TMEM178B: variants seen among roughly 807,000 people sequenced by gnomAD.
The protein encoded by TMEM178B is transmembrane protein 178B.
In TMEM178B, 5 loss-of-function variants were observed where a neutral mutation model predicts 31.0. The ratio of observed to expected loss-of-function variants is 0.16; its 90% CI spans 0.08 to 0.34. TMEM178B has a LOEUF of 0.34. Ranked by LOEUF, TMEM178B falls within the 10% of genes least tolerant of loss-of-function variation. The pLI is 1.00. For missense variants in TMEM178B, 275 were observed against 400.3 expected, an observed-to-expected ratio of 0.69 and a Z score of 2.67; for synonymous variants, 164 against 164.0, an observed-to-expected ratio of 1.00 and a Z score of 0.00.
intron 1 of TMEM178B, among the ~76,000 whole-genome samples, chr7:141,151,586 A>G (rs1193011464): frequency 6.6e-6 from 1 of 152,048 alleles, no homozygotes; most frequent in Non-Finnish European, 1.5e-5. Flanking sequence ...CTGGGCTGGC[A>G]ATTAGCATCG....
intron 1 of TMEM178B, among the ~76,000 whole-genome samples, chr7:141,166,161 G>A (rs184070604): frequency 5.1e-4 from 77 of 152,304 alleles, no homozygotes; most frequent in African/African-American, 1.8e-3. Context: ...CCTATAGTAG[G>A]TGGGACCCAG....
At chr7:141,430,860 C>T (rs1287443503) in intron 2 of TMEM178B, among the ~76,000 whole-genome samples, 1 of 152,168 alleles carries the variant, frequency 6.6e-6, no homozygotes, top group East Asian at 1.9e-4. Flanking sequence ...ATTCCCGTGA[C>T]CTTGATTTTT....
chr7:141,222,307 T>A (rs1233601234), intron 2 of TMEM178B, among the ~76,000 whole-genome samples: 2 of 152,190 alleles, frequency 1.3e-5, no homozygotes, highest in Non-Finnish European at 2.9e-5. Flanking sequence ...CTCTATCTTA[T>A]GTTTTTGATG....
At chr7:141,336,888 C>T (rs1486768602) in intron 2 of TMEM178B, among the ~76,000 whole-genome samples, 2 of 121,646 alleles carry the variant, frequency 1.6e-5, no homozygotes, top group African/African-American at 6.7e-5. Context: ...ACCACCATCA[C>T]CGCTACCACC....
intron 1 of TMEM178B, among the ~76,000 whole-genome samples, chr7:141,099,642 G>A (rs745600097): frequency 2.0e-5 from 3 of 152,146 alleles, no homozygotes; most frequent in Non-Finnish European, 4.4e-5. Context: ...TAGATCTATA[G>A]CAAATCACAG....
chr7:141,430,638 C>T (rs568453510), intron 2 of TMEM178B, among the ~76,000 whole-genome samples: 2 of 152,206 alleles, frequency 1.3e-5, no homozygotes, highest in East Asian at 3.9e-4. Flanking sequence ...AGAATTAAAA[C>T]CCCCACTTCC....
chr7:141,419,350 A>T (rs1366154339), intron 2 of TMEM178B, among the ~76,000 whole-genome samples: 2 of 152,172 alleles, frequency 1.3e-5, no homozygotes, highest in Non-Finnish European at 2.9e-5. Context: ...CCCATCATCC[A>T]AACCAGAATC....
chr7:141,308,315 C>T (rs76689628), intron 2 of TMEM178B, among the ~76,000 whole-genome samples: 1,810 of 152,220 alleles, frequency 0.012, 26 homozygotes, highest in Non-Finnish European at 0.017. Context: ...ACAGGTGGGG[C>T]GGGAAGCTCT....
At chr7:141,190,231 A>G (rs1333068290) in intron 1 of TMEM178B, among the ~76,000 whole-genome samples, 1 of 152,200 alleles carries the variant, frequency 6.6e-6, no homozygotes, top group Non-Finnish European at 1.5e-5. Flanking sequence ...TGTGCTCAGA[A>G]TACTTACATT....
intron 2 of TMEM178B, among the ~76,000 whole-genome samples, chr7:141,306,052 G>C (rs1028692345): frequency 6.6e-6 from 1 of 152,158 alleles, no homozygotes; most frequent in Non-Finnish European, 1.5e-5. Context: ...GTAGCATCCG[G>C]CATGTGCTTT....
At chr7:141,102,168 T>C (rs1795069666) in intron 1 of TMEM178B, among the ~76,000 whole-genome samples, 1 of 152,028 alleles carries the variant, frequency 6.6e-6, no homozygotes, top group Non-Finnish European at 1.5e-5. Flanking sequence ...CATTAGAGAG[T>C]GCGAATGACT....
chr7:141,403,438 G>C (rs1195581290), intron 2 of TMEM178B, among the ~76,000 whole-genome samples: 3 of 151,924 alleles, frequency 2.0e-5, no homozygotes, highest in Admixed American at 2.0e-4. Flanking sequence ...GCAGGAATCA[G>C]TATAAGAAGT....
chr7:141,256,873 A>G (rs4726438), intron 2 of TMEM178B, among the ~76,000 whole-genome samples: 66,923 of 152,030 alleles, frequency 0.44, 14,982 homozygotes, highest in East Asian at 0.67. Flanking sequence ...CAATTTCTGA[A>G]ATGTGCAACA....
rs371679669 is a variant in TMEM178B at position 141,445,998 on chromosome 7, T to A, written c.634+8253T>A. Among the ~76,000 whole-genome samples the A allele has an allele frequency of 1.1e-4, 16 of 152,368 alleles. No individual in the cohort carries two copies. The South Asian group carries it at 3.3e-3, about 32-fold the overall frequency. On this transcript the variant is annotated intron_variant, in intron 3 of 3. Transcript: ENST00000565468. ...TGGAAAGTGCAGATTTCAATATTTATTAGCATTTGATGATTACAATTAAAA... is the reference window on the plus strand; with the variant it reads ...TGGAAAGTGCAGATTTCAATATTTAATAGCATTTGATGATTACAATTAAAA...
At chr7:141,123,967 C>T (rs1795448961) in intron 1 of TMEM178B, among the ~76,000 whole-genome samples, 1 of 152,180 alleles carries the variant, frequency 6.6e-6, no homozygotes, top group Non-Finnish European at 1.5e-5. Flanking sequence ...GTTGCCCAGG[C>T]TGGTCTCAAA....
chr7:141,401,787 T>C (rs1800781500), intron 2 of TMEM178B, among the ~76,000 whole-genome samples: 1 of 152,166 alleles, frequency 6.6e-6, no homozygotes, highest in Non-Finnish European at 1.5e-5. Context: ...GATGGAATAA[T>C]TTACTTGGCT....
chr7:141,114,643 G>A (rs1795289695), intron 1 of TMEM178B, among the ~76,000 whole-genome samples: 1 of 152,164 alleles, frequency 6.6e-6, no homozygotes, highest in Admixed American at 6.5e-5. Flanking sequence ...GTCTCCATGG[G>A]GCTGAGCTCA....
chr7:141,148,842 A>G (rs1468836355), intron 1 of TMEM178B, among the ~76,000 whole-genome samples: 3 of 152,208 alleles, frequency 2.0e-5, no homozygotes, highest in Non-Finnish European at 4.4e-5. Context: ...TGAAGACGTG[A>G]TGTCTAAGCC....
rs59281560 is a variant in TMEM178B at position 141,245,170 on chromosome 7, C to CAAAAAAAAAAAAAAAAAAAAA, written c.496+32486_496+32506dup. On this transcript the variant is annotated intron_variant, in intron 2 of 3. Transcript: ENST00000565468. ...GGGTGACAGAGCAAGACTCCATCAC[C>CAAAAAAAAAAAAAAAAAAAAA]AAAAAAAAAAAAAAAAAAAAAAAAA... 2.2e-4 allele frequency among the ~76,000 whole-genome samples: 5 copies of CAAAAAAAAAAAAAAAAAAAAA among 23,094 alleles called. 1 individual carries two copies. Among genetic ancestry groups the CAAAAAAAAAAAAAAAAAAAAA allele is most frequent in the African/African-American group, 6.5e-4 (4 of 6,110 alleles). The allele number at this position is 23,094 out of a possible 152,430, so 15.2% of individuals were successfully genotyped here. A position where few individuals can be genotyped will look rare whatever the true frequency, so the allele number is the denominator to read the frequency against.
Sources: gnomAD v4.1 joint callset for allele counts (sites outside exome capture counted in the v4.1 genomes callset) on GRCh38, gnomAD v4.1.1 for gene constraint, MANE v1.5 for transcripts, NCBI Gene and HGNC (gene_info 2026-07-23, HGNC 2026-07-21) for gene names.